The following STAP2 variants were observed in gnomAD, a reference collection of about 807,000 sequenced individuals.
STAP2 encodes signal-transducing adaptor protein 2.
STAP2 carries 58 observed loss-of-function variants against 52.7 expected under a neutral mutation model. That is an observed-to-expected ratio of 1.10 (90% CI 0.89 to 1.37). The LOEUF is 1.37. STAP2 is among the 40% of genes most tolerant of loss of function. The pLI, the probability that STAP2 is intolerant of heterozygous loss-of-function variation, is 0.00. For synonymous variants in STAP2, 231 were observed against 210.5 expected, an observed-to-expected ratio of 1.10 and a Z score of -0.84; for missense variants, 522 against 519.4, an observed-to-expected ratio of 1.00 and a Z score of -0.05.
rs1295519690 is a variant in STAP2 at position 4,327,298 on chromosome 19, C to T, written c.660+18G>A. 1.2e-6 allele frequency: 2 copies of T among 1,614,166 alleles called. No homozygotes were observed. Among genetic ancestry groups the T allele is most frequent in the Non-Finnish European group, 1.7e-6 (2 of 1,179,996 alleles). ...GACCCCACAAAGTCACTTCTAGGGA[C>T]TCTGGCCCAACGCTCACCGGCTGTT... On this transcript the variant is annotated intron_variant, in intron 7 of 12. Transcript: ENST00000594605.
At chr19:4,325,173 G>A (rs1971768336) in intron 11 of STAP2, 43 bp downstream of exon 11, 1 of 1,494,730 alleles carries the variant, frequency 6.7e-7, no homozygotes, top group South Asian at 1.2e-5. Flanking sequence ...GGCTGAGGCT[G>A]GCCTGCCATC....
chr19:4,327,031 AG>A, intron 8 of STAP2, 24 bp from the exon 9 acceptor site: 1 of 1,584,302 alleles, frequency 6.3e-7, no homozygotes, highest in Non-Finnish European at 8.6e-7. Context: ...GGCGGCCTGG[AG>A]GAAGCGCGGC....
chr19:4,326,389 G>A (rs1971793129), intron 9 of STAP2, among the ~76,000 whole-genome samples: 4 of 152,144 alleles, frequency 2.6e-5, no homozygotes, highest in African/African-American at 9.7e-5. Context: ...GTGGCACTTG[G>A]GGGTCCTTGC....
Position 4,334,077 on chromosome 19 carries a change from G to T in STAP2, c.103-33C>A, listed in dbSNP as rs1306313319. ...CCAGAAGTGCAGAAAGAAGAGGTGA[G>T]CTGGCCAAGCTGAGTGCCTTTCATG... On this transcript the variant is annotated intron_variant, in intron 1 of 12. Transcript: ENST00000594605. 2.5e-6 allele frequency: 4 copies of T among 1,583,562 alleles called. No homozygotes were observed. In the South Asian group the frequency reaches 3.4e-5, roughly 14 times the overall value.
chr19:4,324,306 C>T lies in STAP2; in HGVS notation c.1148-109G>A, dbSNP rs1971746840. Reference sequence around the variant, plus strand: ...TACAGATTTGCAGGGCCCCGTGCAACAGGACAGTGTGCTCGAAGGCATTAA... The same window carrying T: ...TACAGATTTGCAGGGCCCCGTGCAATAGGACAGTGTGCTCGAAGGCATTAA... On this transcript the variant is annotated intron_variant, in intron 12 of 12. Coordinates refer to ENST00000594605, the MANE Select transcript of STAP2 (RefSeq NM_001013841.2). 3 of 1,330,986 alleles carry T rather than the reference C, an allele frequency of 2.3e-6. No individual in the cohort carries two copies. The African/African-American group carries it at 4.4e-5, about 19-fold the overall frequency. 82.4% of individuals were successfully genotyped at this position (1,330,986 alleles called of 1,614,324 possible). A position where few individuals can be genotyped will look rare whatever the true frequency, so the allele number is the denominator to read the frequency against.
At chr19:4,335,223 TCATC>T (rs1463527502) in intron 1 of STAP2, among the ~76,000 whole-genome samples, 1 of 148,706 alleles carries the variant, frequency 6.7e-6, no homozygotes, top group Non-Finnish European at 1.5e-5. Flanking sequence ...CATCCCTCCA[TCATC>T]CATCCACCTA....
rs142205221 is a variant in STAP2, at chr19:4,325,456, C to G, written c.919G>C (p.Glu307Gln). The change falls in exon 10 of 13, where the codon GAA becomes CAA. Residue 307 changes from glutamate to glutamine, a missense_variant. By Grantham distance (29) the Glu-to-Gln change is conservative. Transcript: ENST00000594605. ...CCAATGGGGGTCACGTAGTTCTCTT[C>G]CTGGTTCGGTAGTGGGGGCAGTGGG... ...LPPLPPLPNQ[E>Q]ENYVTPIGDG... The G allele has an allele frequency of 1.2e-5, 19 of 1,614,042 alleles. No homozygotes were observed. Among genetic ancestry groups the G allele is most frequent in the Middle Eastern group, 1.6e-4 (1 of 6,084 alleles).
At chr19:4,329,898 C>T in intron 5 of STAP2, 63 bp downstream of exon 5, 2 of 1,447,642 alleles carry the variant, frequency 1.4e-6, no homozygotes, top group South Asian at 2.3e-5. Flanking sequence ...ACCGCCCACC[C>T]TCAGCCACAC....
intron 1 of STAP2, among the ~76,000 whole-genome samples, chr19:4,337,840 G>C (rs1972004020): frequency 6.6e-6 from 1 of 151,648 alleles, no homozygotes; most frequent in Non-Finnish European, 1.5e-5. Context: ...GACAGAGTGA[G>C]ACTCAGTCTC....
chr19:4,333,574 C>G (rs1170481437), intron 3 of STAP2, 120 bp downstream of exon 3: 11 of 1,347,846 alleles, frequency 8.2e-6, no homozygotes, highest in Non-Finnish European at 1.1e-5. Context: ...CCAAGTCTTA[C>G]CCAGGGCCCA....
intron 1 of STAP2, 74 bp from the exon 2 acceptor site, chr19:4,334,118 C>A: frequency 7.5e-7 from 1 of 1,337,808 alleles, no homozygotes. Context: ...AATCCTGTCT[C>A]GGGGCCTTTG....
chr19:4,326,894 C>A, intron 9 of STAP2, 48 bp downstream of exon 9: 1 of 1,539,438 alleles, frequency 6.5e-7, no homozygotes, highest in Non-Finnish European at 8.8e-7. Context: ...TGGCTGAATG[C>A]GGGGTCCTCG....
chr19:4,330,095 G>A, intron 4 of STAP2, 34 bp from the exon 5 acceptor site: 2 of 1,568,730 alleles, frequency 1.3e-6, no homozygotes, highest in East Asian at 2.2e-5. Flanking sequence ...GACTGCACCT[G>A]GCCAGCCGGG....
chr19:4,332,818 C>T (rs1014818850), intron 3 of STAP2, among the ~76,000 whole-genome samples: 3 of 147,018 alleles, frequency 2.0e-5, no homozygotes, highest in Admixed American at 6.8e-5. Flanking sequence ...ACGAGCAAGA[C>T]CCTGTCTCAA....
chr19:4,331,224 G>A (rs1368958904), intron 4 of STAP2, among the ~76,000 whole-genome samples: 1 of 151,546 alleles, frequency 6.6e-6, no homozygotes, highest in Non-Finnish European at 1.5e-5. Flanking sequence ...AGCTACTTGG[G>A]AGGCTGAGGC....
At chr19:4,337,758 G>A (rs565749709) in intron 1 of STAP2, among the ~76,000 whole-genome samples, 125 of 152,056 alleles carry the variant, frequency 8.2e-4, no homozygotes, top group Middle Eastern at 3.4e-3. Context: ...CACGAGAATC[G>A]CTTAATCGTT....
chr19:4,329,963 G>T lies in STAP2; in HGVS notation c.453C>A (p.Pro151=), dbSNP rs754673761. The change falls in exon 5 of 13, where the codon CCC becomes CCA. Residue 151 remains proline, a splice_region_variant and synonymous_variant. Transcript: ENST00000594605. ...KEEARRALET[P]SCFLKVSRLE... Reference sequence around the variant, plus strand: ...CTCGGGACAGGCGGGACACTCACGAGGGTGTCTCCAGTGCACGGCGCGCCT... The same window carrying T: ...CTCGGGACAGGCGGGACACTCACGATGGTGTCTCCAGTGCACGGCGCGCCT... 4 of 1,612,602 alleles carry T rather than the reference G, an allele frequency of 2.5e-6. No individual in the cohort carries two copies. Among genetic ancestry groups the T allele is most frequent in the Non-Finnish European group, 3.4e-6 (4 of 1,179,460 alleles).
rs963239932 is a variant in STAP2 at position 4,326,881 on chromosome 19, G to C, written c.829+61C>G. On this transcript the variant is annotated intron_variant, in intron 9 of 12. Coordinates refer to ENST00000594605, the MANE Select transcript of STAP2 (RefSeq NM_001013841.2). ...TGCAGCCACCAAACTGACTGAGGGG[G>C]CGTGGCTGAATGCGGGGTCCTCGAT... 89 of 1,533,004 alleles carry C rather than the reference G, an allele frequency of 5.8e-5. 1 individual carries two copies. The highest frequency in any genetic ancestry group is 1.1e-5 in the Non-Finnish European group (13 of 1,132,998). The allele number at this position is 1,533,004 out of a possible 1,614,324, so 95.0% of individuals were successfully genotyped here. A position where few individuals can be genotyped will look rare whatever the true frequency, so the allele number is the denominator to read the frequency against.
chr19:4,335,814 A>G (rs554832428), intron 1 of STAP2, among the ~76,000 whole-genome samples: 2 of 152,248 alleles, frequency 1.3e-5, no homozygotes, highest in East Asian at 3.9e-4. Context: ...GACTTTCCAC[A>G]TGGGAAGCAC....
Sources: allele counts gnomAD v4.1 joint callset (sites outside exome capture counted in the v4.1 genomes callset), GRCh38; gene constraint gnomAD v4.1.1; transcripts MANE v1.5; gene names NCBI Gene and HGNC (gene_info 2026-07-23, HGNC 2026-07-21).